Variants in FHIT observed in about 807,000 individuals in gnomAD.
The protein encoded by FHIT is bis(5'-adenosyl)-triphosphatase.
In FHIT, 19 loss-of-function variants were observed where a neutral mutation model predicts 17.9. That is an observed-to-expected ratio of 1.06 (90% CI 0.74 to 1.56). The LOEUF is 1.56. Among genes scored for constraint, FHIT ranks in the 40% most tolerant of loss-of-function variants. The pLI is 0.00. For synonymous variants in FHIT, 81 were observed against 69.7 expected, an observed-to-expected ratio of 1.16 and a Z score of -0.81; for missense variants, 248 against 189.2, an observed-to-expected ratio of 1.31 and a Z score of -1.82.
chr3:60,558,732 G>A (rs2036829033), intron 4 of FHIT, among the ~76,000 whole-genome samples: 1 of 152,186 alleles, frequency 6.6e-6, no homozygotes, highest in East Asian at 1.9e-4. Context: ...GTAGGCAGAT[G>A]TCGCTAATTA....
rs370323138 is a variant in FHIT at position 60,977,859 on chromosome 3, G to A, written c.-111+64188C>T. On this transcript the variant is annotated intron_variant, in intron 3 of 9. Transcript: ENST00000492590. Reference sequence around the variant, plus strand: ...GCACTCCAGCCTGGACAACGAGAGCGAAACTCCATCTCAAAAACAAAAACA... The same window carrying A: ...GCACTCCAGCCTGGACAACGAGAGCAAAACTCCATCTCAAAAACAAAAACA... Among the ~76,000 whole-genome samples the A allele has an allele frequency of 1.4e-4, 21 of 152,208 alleles. 1 individual carries two copies. The South Asian group carries it at 4.2e-3, about 30-fold the overall frequency.
At chr3:61,123,269 C>T (rs980211290) in intron 2 of FHIT, among the ~76,000 whole-genome samples, 1 of 152,074 alleles carries the variant, frequency 6.6e-6, no homozygotes, top group Non-Finnish European at 1.5e-5. Flanking sequence ...CCAAACACTG[C>T]AAATTTTCAC....
chr3:60,964,397 C>A (rs1157007380), intron 3 of FHIT, among the ~76,000 whole-genome samples: 1 of 152,090 alleles, frequency 6.6e-6, no homozygotes, highest in Non-Finnish European at 1.5e-5. Context: ...ATTTGCCAGT[C>A]TGTGTCTTTT....
At chr3:60,258,686 G>A (rs189479499) in intron 5 of FHIT, among the ~76,000 whole-genome samples, 10 of 152,234 alleles carry the variant, frequency 6.6e-5, no homozygotes, top group Admixed American at 2.6e-4. Flanking sequence ...TGAATTTTAC[G>A]TGACATGGGA....
chr3:60,957,136 A>G (rs1709203613), intron 3 of FHIT, among the ~76,000 whole-genome samples: 1 of 151,938 alleles, frequency 6.6e-6, no homozygotes, highest in African/African-American at 2.4e-5. Flanking sequence ...GTAGCTTTGT[A>G]TGGGTTCATA....
intron 4 of FHIT, among the ~76,000 whole-genome samples, chr3:60,537,294 C>A (rs1409961293): frequency 6.6e-6 from 1 of 152,080 alleles, no homozygotes; most frequent in Non-Finnish European, 1.5e-5. Context: ...TCCACAAGGC[C>A]CTATTTGTCA....
intron 5 of FHIT, among the ~76,000 whole-genome samples, chr3:60,519,168 GA>G (rs944623821): frequency 6.6e-6 from 1 of 152,170 alleles, no homozygotes; most frequent in Non-Finnish European, 1.5e-5. Context: ...GTTATTTCTG[GA>G]AAATAAGATT....
chr3:60,999,827 T>C (rs1294958079), intron 3 of FHIT, among the ~76,000 whole-genome samples: 2 of 152,150 alleles, frequency 1.3e-5, no homozygotes, highest in Non-Finnish European at 2.9e-5. Context: ...CAGAAATTTA[T>C]TTATGATAGT....
At chr3:60,847,779 C>A (rs1702982891) in intron 3 of FHIT, among the ~76,000 whole-genome samples, 1 of 152,084 alleles carries the variant, frequency 6.6e-6, no homozygotes, top group Non-Finnish European at 1.5e-5. Flanking sequence ...GAAGGAAAGT[C>A]AAATGAATTT....
intron 8 of FHIT, among the ~76,000 whole-genome samples, chr3:59,868,006 T>C (rs1035012379): frequency 7.1e-6 from 1 of 141,346 alleles, no homozygotes; most frequent in African/African-American, 2.7e-5. Context: ...TCTTTTGGGC[T>C]TAATGAATGA....
At chr3:60,596,755 T>C (rs1006699879) in intron 4 of FHIT, among the ~76,000 whole-genome samples, 1 of 152,158 alleles carries the variant, frequency 6.6e-6, no homozygotes, top group Non-Finnish European at 1.5e-5. Flanking sequence ...GGAGTGTGAC[T>C]GCCTATAGAG....
At chr3:60,008,873 G>C (rs1373038051) in intron 7 of FHIT, among the ~76,000 whole-genome samples, 1 of 152,158 alleles carries the variant, frequency 6.6e-6, no homozygotes, top group Non-Finnish European at 1.5e-5. Context: ...TAATTATGTG[G>C]CCATTGCCAC....
intron 5 of FHIT, among the ~76,000 whole-genome samples, chr3:60,264,318 T>C (rs1345424415): frequency 6.6e-6 from 1 of 152,014 alleles, no homozygotes; most frequent in African/African-American, 2.4e-5. Flanking sequence ...AAAAGGATTT[T>C]GAATACATTT....
chr3:60,173,884 AATATATATAT>A lies in FHIT; in HGVS notation c.104-159742_104-159733del, dbSNP rs776742490. 4.8e-3 allele frequency among the ~76,000 whole-genome samples: 146 copies of A among 30,518 alleles called. 4 individuals carry two copies. Among genetic ancestry groups the A allele is most frequent in the African/African-American group, 0.02 (131 of 6,472 alleles). 20.0% of individuals were successfully genotyped at this position (30,518 alleles called of 152,430 possible). A position where few individuals can be genotyped will look rare whatever the true frequency, so the allele number is the denominator to read the frequency against. Reference sequence around the variant, plus strand: ...GGTGCTAAACTATCTCCATGTTTCTAATATATATATATATATATATATATATATATATGTT... The same window carrying A: ...GGTGCTAAACTATCTCCATGTTTCTAATATATATATATATATATATATGTT... On this transcript the variant is annotated intron_variant, in intron 5 of 9. Coordinates refer to ENST00000492590, the MANE Select transcript of FHIT (RefSeq NM_002012.4).
chr3:61,106,802 CG>C (rs1267801917), intron 2 of FHIT, among the ~76,000 whole-genome samples: 3 of 151,932 alleles, frequency 2.0e-5, no homozygotes, highest in Non-Finnish European at 4.4e-5. Context: ...CTGGGACTAC[CG>C]GCATGAGCCA....
chr3:60,881,560 G>C (rs139802102), intron 3 of FHIT, among the ~76,000 whole-genome samples: 2 of 152,170 alleles, frequency 1.3e-5, no homozygotes, highest in Admixed American at 6.5e-5. Context: ...AAATTTAAAA[G>C]AAGTGAAATC....
At chr3:60,074,160 C>T (rs1702904588) in intron 5 of FHIT, among the ~76,000 whole-genome samples, 2 of 152,204 alleles carry the variant, frequency 1.3e-5, no homozygotes, top group South Asian at 4.1e-4. Context: ...ACAAGCCAAG[C>T]TGGCCCACAG....
intron 8 of FHIT, among the ~76,000 whole-genome samples, chr3:59,865,539 G>C (rs13322831): frequency 0.34 from 51,444 of 152,136 alleles, 9,711 homozygotes; most frequent in East Asian, 0.6. Context: ...TTGGAGCCAG[G>C]GCCTGGGATA....
At chr3:60,226,484 A>C (rs915356587) in intron 5 of FHIT, among the ~76,000 whole-genome samples, 1 of 150,950 alleles carries the variant, frequency 6.6e-6, no homozygotes, top group Non-Finnish European at 1.5e-5. Context: ...AAAAAAAAAA[A>C]AAAAAAAAAA....
Sources: allele counts gnomAD v4.1 joint callset (sites outside exome capture counted in the v4.1 genomes callset), GRCh38; gene constraint gnomAD v4.1.1; transcripts MANE v1.5; gene names NCBI Gene and HGNC (gene_info 2026-07-23, HGNC 2026-07-21).